The following AGMO variants were observed in gnomAD, a reference collection of about 807,000 sequenced individuals.
AGMO encodes alkylglycerol monooxygenase.
A neutral mutation model predicts 60.2 loss-of-function variants in AGMO; 75 were observed. The ratio of observed to expected loss-of-function variants is 1.25; its 90% CI spans 1.03 to 1.51. AGMO has a LOEUF of 1.51. Among genes scored for constraint, AGMO ranks in the 40% most tolerant of loss-of-function variants. The pLI, the probability that AGMO is intolerant of heterozygous loss-of-function variation, is 0.00. For missense variants in AGMO, 763 were observed against 525.5 expected (o/e 1.45, Z -4.42); for synonymous variants, 261 against 177.1 (o/e 1.47, Z -3.76).
chr7:15,360,676 G>A (rs936018184), intron 12 of AGMO, among the ~76,000 whole-genome samples: 3 of 151,732 alleles, frequency 2.0e-5, no homozygotes, highest in African/African-American at 4.8e-5. Context: ...AGGGGAGGCC[G>A]GAGAGACAGG....
At chr7:15,253,871 C>A (rs1259533398) in intron 12 of AGMO, among the ~76,000 whole-genome samples, 2 of 152,122 alleles carry the variant, frequency 1.3e-5, no homozygotes, top group Non-Finnish European at 2.9e-5. Context: ...TCTCCCAATT[C>A]TCTGGTAACC....
At chr7:15,285,229 A>G (rs4409311) in intron 12 of AGMO, among the ~76,000 whole-genome samples, 151,141 of 152,046 alleles carry the variant, frequency 0.99, 75,122 homozygotes, top group Middle Eastern at 1. Context: ...CCTAGCTAGA[A>G]CAATCAGACA....
At chr7:15,502,152 T>A (rs1173601267) in intron 3 of AGMO, among the ~76,000 whole-genome samples, 1 of 152,042 alleles carries the variant, frequency 6.6e-6, no homozygotes, top group Non-Finnish European at 1.5e-5. Flanking sequence ...ATCTCAGTGT[T>A]CTATGATTGA....
intron 5 of AGMO, among the ~76,000 whole-genome samples, chr7:15,408,530 G>A (rs901932378): frequency 1.3e-4 from 20 of 151,890 alleles, no homozygotes; most frequent in African/African-American, 2.4e-4. Flanking sequence ...AGTGTATAAT[G>A]ACTGTTTTAA....
At chr7:15,299,417 T>C (rs1026505341) in intron 12 of AGMO, among the ~76,000 whole-genome samples, 1 of 152,142 alleles carries the variant, frequency 6.6e-6, no homozygotes, top group Non-Finnish European at 1.5e-5. Context: ...AGAGAAAATA[T>C]GTAGTAAATT....
downstream of AGMO, among the ~76,000 whole-genome samples, chr7:15,199,369 C>G (rs1269735483): frequency 6.6e-6 from 1 of 152,178 alleles, no homozygotes; most frequent in Non-Finnish European, 1.5e-5. Flanking sequence ...AACTTCACCA[C>G]AAAAGGATCT....
intron 3 of AGMO, among the ~76,000 whole-genome samples, chr7:15,486,708 G>A (rs542742501): frequency 3.0e-4 from 45 of 152,042 alleles, no homozygotes; most frequent in South Asian, 8.3e-4. Context: ...AACAATGTTC[G>A]CTTTAGATTT....
At chr7:15,163,899 G>A in the AGMO span, among the ~76,000 whole-genome samples, 1 of 151,942 alleles carries the variant, frequency 6.6e-6, no homozygotes, top group African/African-American at 2.4e-5. Flanking sequence ...AGTAAGATTG[G>A]TGCCAGCTCT....
At chr7:15,407,127 C>T (rs183872368) in intron 5 of AGMO, among the ~76,000 whole-genome samples, 569 of 144,790 alleles carry the variant, frequency 3.9e-3, no homozygotes, top group Non-Finnish European at 6.1e-3. Context: ...CACATATATA[C>T]CCACGTATAC....
intron 5 of AGMO, among the ~76,000 whole-genome samples, chr7:15,414,505 G>A (rs1410665244): frequency 6.6e-6 from 1 of 151,712 alleles, no homozygotes; most frequent in Non-Finnish European, 1.5e-5. Flanking sequence ...CACAAAGAGA[G>A]GGAGAAAGGT....
chr7:15,387,210 C>A (rs1426097500), intron 9 of AGMO, among the ~76,000 whole-genome samples, 196 bp downstream of exon 9: 1 of 152,222 alleles, frequency 6.6e-6, no homozygotes, highest in Non-Finnish European at 1.5e-5. Context: ...GCAGTGTTCA[C>A]CTGGGAGAAG....
chr7:15,535,664 G>C (rs1784467643), intron 3 of AGMO, among the ~76,000 whole-genome samples: 1 of 151,936 alleles, frequency 6.6e-6, no homozygotes, highest in Non-Finnish European at 1.5e-5. Flanking sequence ...ATTTTTGTGG[G>C]TACATACTAG....
At chr7:15,385,741 A>C (rs1362369257) in intron 9 of AGMO, among the ~76,000 whole-genome samples, 179 bp from the exon 10 acceptor site, 1 of 152,212 alleles carries the variant, frequency 6.6e-6, no homozygotes, top group Non-Finnish European at 1.5e-5. Flanking sequence ...AAGCATTACA[A>C]TTATGACGTA....
chr7:15,549,435 A>G (rs1784882820), intron 2 of AGMO, among the ~76,000 whole-genome samples: 1 of 152,120 alleles, frequency 6.6e-6, no homozygotes, highest in Admixed American at 6.5e-5. Flanking sequence ...TCATGTGCAG[A>G]GACACACATA....
At chr7:15,163,103 T>C in the AGMO span, among the ~76,000 whole-genome samples, 1 of 152,138 alleles carries the variant, frequency 6.6e-6, no homozygotes, top group Non-Finnish European at 1.5e-5. Flanking sequence ...GAAATTGAGT[T>C]CTTAATTTGG....
intron 12 of AGMO, among the ~76,000 whole-genome samples, chr7:15,221,877 C>G (rs1656204806): frequency 6.6e-6 from 1 of 151,976 alleles, no homozygotes; most frequent in Non-Finnish European, 1.5e-5. Flanking sequence ...GCAATTTCAC[C>G]AATTTCATAA....
the AGMO span, among the ~76,000 whole-genome samples, chr7:15,158,356 C>A: frequency 6.6e-6 from 1 of 152,068 alleles, no homozygotes; most frequent in South Asian, 2.1e-4. Flanking sequence ...TGATCACATT[C>A]TAAAAGAGAA....
chr7:15,446,229 C>T (rs73288455), intron 3 of AGMO, among the ~76,000 whole-genome samples: 1,742 of 152,154 alleles, frequency 0.011, 38 homozygotes, highest in African/African-American at 0.04. Flanking sequence ...TTTGGGCAGC[C>T]ACAAATCTAT....
At chr7:15,160,716 G>T in the AGMO span, among the ~76,000 whole-genome samples, 1,061 of 152,186 alleles carry the variant, frequency 7.0e-3, 14 homozygotes, top group African/African-American at 0.024. Context: ...TACTTTGATG[G>T]TTAATTTCAT....
Sources: gnomAD v4.1 joint callset for allele counts (sites outside exome capture counted in the v4.1 genomes callset) on GRCh38, gnomAD v4.1.1 for gene constraint, MANE v1.5 for transcripts, NCBI Gene and HGNC (gene_info 2026-07-23, HGNC 2026-07-21) for gene names.